Variants in GPSM2 observed in about 807,000 individuals in gnomAD.
The protein encoded by GPSM2 is G protein-signaling modulator 2.
Under a neutral mutation model 78.4 loss-of-function variants are expected in GPSM2, and 58 were observed. The observed-to-expected ratio is 0.74, with a 90% confidence interval of 0.60 to 0.92. The LOEUF (loss-of-function observed/expected upper bound fraction) is 0.92, where lower values mean the gene tolerates loss of function less well. GPSM2 is among the 40% of genes least tolerant of loss of function. GPSM2 has a pLI of 0.00. For missense variants in GPSM2, 700 were observed against 815.5 expected, an observed-to-expected ratio of 0.86 and a Z score of 1.73; for synonymous variants, 224 against 280.2, an observed-to-expected ratio of 0.80 and a Z score of 2.00.
chr1:108,904,219 T>C lies in GPSM2; in HGVS notation c.1157T>C (p.Met386Thr). 1 of 1,601,136 alleles carries C rather than the reference T, an allele frequency of 6.2e-7. No individual in the cohort carries two copies. The highest frequency in any genetic ancestry group is 1.7e-5 in the Admixed American group (1 of 59,976). The change falls in exon 10 of 15, where the codon ATG (methionine) becomes ACG (threonine). Residue 386 changes from methionine (M) to threonine (T), a missense_variant. Physicochemically the swap from Met to Thr is moderately conservative, Grantham distance 81 (BLOSUM62 -1). Coordinates refer to ENST00000264126, the MANE Select transcript of GPSM2 (RefSeq NM_013296.5). ...GLSYSTNNSI[M>T]SENTEIDSSL... ...AGCTACAGCACAAATAACTCCATAA[T>C]GTCTGAAAATACTGAAATTGATAGC...
rs1304122800 is a variant in GPSM2 at position 108,930,614 on chromosome 1, C to A, written c.*674C>A. Reference sequence around the variant, plus strand: ...TATGAAAAATAAATCAGCAGCCAGGCGCAGTGGCTCACACCTGTAATCCCA... The same window carrying A: ...TATGAAAAATAAATCAGCAGCCAGGAGCAGTGGCTCACACCTGTAATCCCA... On this transcript the variant is annotated 3_prime_UTR_variant, in exon 15 of 15. Transcript: ENST00000264126. 2 of 152,210 alleles carry A rather than the reference C, an allele frequency of 1.3e-5. No homozygotes were observed. The highest frequency in any genetic ancestry group is 2.1e-4 in the South Asian group (1 of 4,812). The allele number at this position is 152,210 out of a possible 1,614,324, so 9.4% of individuals were successfully genotyped here.
Position 108,931,370 on chromosome 1 carries a change from A to C in GPSM2, c.*1430A>C, listed in dbSNP as rs1178754584. On this transcript the variant is annotated 3_prime_UTR_variant, in exon 15 of 15. Transcript: ENST00000264126. ...AAAGTAACTAACTAACTGTAGCAAA[A>C]GACAAGTATGGGACAGACTGGGACC... 6.4e-7 allele frequency: 1 copy of C among 1,551,174 alleles called. No individual in the cohort carries two copies. Among genetic ancestry groups the C allele is most frequent in the South Asian group, 1.2e-5 (1 of 84,040 alleles).
At position 108,924,071 on chromosome 1, in the gene GPSM2, C is replaced by T. The variant is rs1390943327; in HGVS notation, c.1672C>T (p.Arg558Cys). The T allele has an allele frequency of 3.1e-6, 5 of 1,613,622 alleles. No homozygotes were observed. Among genetic ancestry groups the T allele is most frequent in the East Asian group, 4.5e-5 (2 of 44,884 alleles). ...TCTTCTTGCCAGCTCACAGAGTCGC[C>T]GTCTGGATGACCAGAGGGCTAGTTT... ...LDLLASSQSR[R>C]LDDQRASFSN... The change falls in exon 14 of 15, where the codon CGT becomes TGT. Residue 558 changes from arginine (R) to cysteine (C), a missense_variant. Physicochemically the swap from Arg to Cys is radical, Grantham distance 180 (BLOSUM62 -3). Transcript: ENST00000264126.
chr1:108,899,335 A>C (rs760940538), intron 7 of GPSM2, among the ~76,000 whole-genome samples: 3 of 152,216 alleles, frequency 2.0e-5, no homozygotes, highest in Non-Finnish European at 4.4e-5. Flanking sequence ...AAACCTGTTT[A>C]GCATATGTGG....
intron 10 of GPSM2, among the ~76,000 whole-genome samples, chr1:108,908,411 C>T (rs1199590954): frequency 1.3e-5 from 2 of 151,338 alleles, no homozygotes; most frequent in Non-Finnish European, 1.5e-5. Flanking sequence ...AGGCCAGGCG[C>T]GGTGGCTCAC....
intron 1 of GPSM2, among the ~76,000 whole-genome samples, chr1:108,882,015 AATC>A (rs2101305550): frequency 6.6e-6 from 1 of 152,238 alleles, no homozygotes; most frequent in East Asian, 1.9e-4. Flanking sequence ...GCAGTGGTGC[AATC>A]ATCGATTACT....
At chr1:108,914,680 T>C (rs1650046389) in intron 11 of GPSM2, among the ~76,000 whole-genome samples, 1 of 152,244 alleles carries the variant, frequency 6.6e-6, no homozygotes, top group South Asian at 2.1e-4. Context: ...CAATGATTTC[T>C]TCTGGGAAGA....
chr1:108,914,907 A>AT (rs953161983), intron 11 of GPSM2, among the ~76,000 whole-genome samples: 19 of 151,496 alleles, frequency 1.3e-4, no homozygotes, highest in Admixed American at 7.2e-4. Context: ...CTTGAAAAGC[A>AT]TTTTTTTTTA....
At chr1:108,878,620 A>C (rs975134939) in intron 1 of GPSM2, among the ~76,000 whole-genome samples, 1 of 152,220 alleles carries the variant, frequency 6.6e-6, no homozygotes, top group Non-Finnish European at 1.5e-5. Flanking sequence ...TATCTTTAGA[A>C]ATTTGTAATT....
intron 2 of GPSM2, among the ~76,000 whole-genome samples, chr1:108,889,061 T>C (rs1161878156): frequency 1.3e-5 from 2 of 152,244 alleles, no homozygotes; most frequent in African/African-American, 2.4e-5. Flanking sequence ...CATCTACTCA[T>C]GTGCATCCTC....
At chr1:108,925,722 G>C (rs1413278562) in intron 14 of GPSM2, among the ~76,000 whole-genome samples, 3 of 152,090 alleles carry the variant, frequency 2.0e-5, no homozygotes, top group Admixed American at 6.6e-5. Flanking sequence ...GGATTGAGTG[G>C]GGTGAGAAAA....
At chr1:108,927,563 T>C (rs839859) in intron 14 of GPSM2, among the ~76,000 whole-genome samples, 54,404 of 152,058 alleles carry the variant, frequency 0.36, 11,358 homozygotes, top group African/African-American at 0.57. Context: ...TATCAACAAA[T>C]GGTTCTGGGT....
intron 14 of GPSM2, among the ~76,000 whole-genome samples, chr1:108,927,727 T>C (rs894360294): frequency 1.3e-5 from 2 of 152,298 alleles, no homozygotes; most frequent in Non-Finnish European, 1.5e-5. Flanking sequence ...CCCAGCACTT[T>C]GGGAGGCCAA....
At chr1:108,879,624 G>A (rs969212565) in intron 1 of GPSM2, among the ~76,000 whole-genome samples, 15 of 152,154 alleles carry the variant, frequency 9.9e-5, no homozygotes, top group African/African-American at 3.4e-4. Context: ...CACGAGGTCA[G>A]GAGTTCAACA....
At chr1:108,927,890 G>A (rs1274848346) in intron 14 of GPSM2, among the ~76,000 whole-genome samples, 2 of 152,142 alleles carry the variant, frequency 1.3e-5, no homozygotes, top group African/African-American at 4.8e-5. Context: ...TTGAGCCTAG[G>A]AGTTCAAGGC....
intron 11 of GPSM2, among the ~76,000 whole-genome samples, chr1:108,916,118 G>C (rs867576282): frequency 6.6e-5 from 10 of 151,574 alleles, no homozygotes; most frequent in Middle Eastern, 3.4e-3. Context: ...GCTGGGCCTG[G>C]TGTCACATGC....
chr1:108,919,069 G>A lies in GPSM2; in HGVS notation c.1440+280G>A, dbSNP rs575747637. On this transcript the variant is annotated intron_variant, in intron 12 of 14. Coordinates refer to ENST00000264126, the MANE Select transcript of GPSM2 (RefSeq NM_013296.5). ...GTCACCCAGGCTGGAGTTCAGTGGC[G>A]CAATCTCAGCTCACTGTGACCTCTG... 9.2e-5 allele frequency among the ~76,000 whole-genome samples: 14 copies of A among 151,588 alleles called. No individual in the cohort carries two copies. In the East Asian group the frequency reaches 1.4e-3, roughly 15 times the overall value.
At chr1:108,926,926 T>C (rs1273094289) in intron 14 of GPSM2, 1 of 152,116 alleles carries the variant, frequency 6.6e-6, no homozygotes, top group Non-Finnish European at 1.5e-5. Context: ...GGACAAAGTA[T>C]CAATAAAATT....
chr1:108,914,841 T>C (rs775462133), intron 11 of GPSM2, among the ~76,000 whole-genome samples: 3 of 152,220 alleles, frequency 2.0e-5, no homozygotes, highest in Non-Finnish European at 4.4e-5. Context: ...AGCAACATTA[T>C]TGCCAAGATA....
Sources: gnomAD v4.1 joint callset for allele counts (sites outside exome capture counted in the v4.1 genomes callset) on GRCh38, gnomAD v4.1.1 for gene constraint, MANE v1.5 for transcripts, NCBI Gene and HGNC (gene_info 2026-07-23, HGNC 2026-07-21) for gene names.